Variants in FRMD4A observed in about 807,000 individuals in gnomAD.
The protein encoded by FRMD4A is FERM domain containing 4A.
FRMD4A carries 29 observed loss-of-function variants against 129.1 expected under a neutral mutation model. That is an observed-to-expected ratio of 0.22 (90% confidence interval 0.17 to 0.31). The LOEUF is 0.31. Ranked by LOEUF, FRMD4A falls within the 10% of genes least tolerant of loss-of-function variation. The pLI is 1.00. For missense variants in FRMD4A, 1,272 were observed against 1,375.8 expected (o/e 0.92, Z 1.19); for synonymous variants, 634 against 571.6 (o/e 1.11, Z -1.56).
chr10:14,097,917 T>A (rs1359652264), intron 2 of FRMD4A, among the ~76,000 whole-genome samples: 1 of 146,352 alleles, frequency 6.8e-6, no homozygotes, highest in Non-Finnish European at 1.5e-5. Context: ...AAATATAAAT[T>A]ATATATAAAA....
chr10:13,822,454 C>A (rs2093643708), intron 3 of FRMD4A, among the ~76,000 whole-genome samples: 1 of 152,188 alleles, frequency 6.6e-6, no homozygotes. Flanking sequence ...ATTTGATCGA[C>A]ATTTGTGGAC....
At chr10:13,713,946 AATACACACACATATATAAT>A (rs1564671821) in intron 12 of FRMD4A, among the ~76,000 whole-genome samples, 6 of 124,678 alleles carry the variant, frequency 4.8e-5, no homozygotes, top group African/African-American at 1.8e-4. Context: ...ACATATATGT[AATACACACACATATATAAT>A]ATATACATAT....
At chr10:14,055,758 C>A (rs1328610249) in intron 2 of FRMD4A, among the ~76,000 whole-genome samples, 1 of 152,216 alleles carries the variant, frequency 6.6e-6, no homozygotes, top group Non-Finnish European at 1.5e-5. Context: ...TTGATACAGG[C>A]ATGCAATGTG....
intron 13 of FRMD4A, among the ~76,000 whole-genome samples, chr10:13,704,264 G>A (rs927109222): frequency 6.6e-6 from 1 of 152,122 alleles, no homozygotes; most frequent in Admixed American, 6.5e-5. Context: ...TCCTTTCCTT[G>A]TGTGTCTTTA....
chr10:14,051,047 G>T (rs1035268097), intron 2 of FRMD4A, among the ~76,000 whole-genome samples: 1 of 152,202 alleles, frequency 6.6e-6, no homozygotes, highest in African/African-American at 2.4e-5. Flanking sequence ...TTACTTGGGG[G>T]ATCTGACACT....
chr10:13,720,197 C>T (rs373984032), intron 12 of FRMD4A, among the ~76,000 whole-genome samples: 3 of 152,230 alleles, frequency 2.0e-5, no homozygotes, highest in East Asian at 3.9e-4. Flanking sequence ...TACAGGTGCG[C>T]GCCAGCACGC....
chr10:14,252,902 T>C (rs1844487462), intron 2 of FRMD4A, among the ~76,000 whole-genome samples: 1 of 152,258 alleles, frequency 6.6e-6, no homozygotes, highest in African/African-American at 2.4e-5. Flanking sequence ...CTACTAACTA[T>C]AAGGAAAAGC....
chr10:13,855,223 A>C (rs2094196639), intron 3 of FRMD4A, among the ~76,000 whole-genome samples: 3 of 152,182 alleles, frequency 2.0e-5, no homozygotes, highest in African/African-American at 7.2e-5. Context: ...ACAGTGCTGC[A>C]TGAAATTATC....
intron 3 of FRMD4A, among the ~76,000 whole-genome samples, chr10:13,834,811 A>G (rs989212019): frequency 6.6e-6 from 1 of 152,214 alleles, no homozygotes; most frequent in Non-Finnish European, 1.5e-5. Flanking sequence ...AGCGAGAGAC[A>G]GAGGCACATG....
chr10:14,046,723 T>A (rs1834005342), intron 2 of FRMD4A, among the ~76,000 whole-genome samples: 1 of 152,190 alleles, frequency 6.6e-6, no homozygotes, highest in Non-Finnish European at 1.5e-5. Context: ...ACGGCTGTAA[T>A]GCTTTGATGG....
intron 2 of FRMD4A, among the ~76,000 whole-genome samples, chr10:14,224,504 G>A (rs1324255462): frequency 6.6e-6 from 1 of 152,200 alleles, no homozygotes; most frequent in East Asian, 1.9e-4. Context: ...CCAATTAAAA[G>A]GCCAGTTAAT....
At chr10:13,765,123 T>G (rs946533325) in intron 6 of FRMD4A, among the ~76,000 whole-genome samples, 5 of 148,896 alleles carry the variant, frequency 3.4e-5, no homozygotes, top group South Asian at 4.4e-4. Flanking sequence ...TGTTTTTTTT[T>G]TTTTTTTTGA....
chr10:13,861,739 T>C (rs1214955569), intron 2 of FRMD4A, among the ~76,000 whole-genome samples: 1 of 152,228 alleles, frequency 6.6e-6, no homozygotes, highest in African/African-American at 2.4e-5. Context: ...GCTCAAGTCC[T>C]ATTAGAATCC....
chr10:14,265,438 T>G (rs1844944831), intron 2 of FRMD4A, among the ~76,000 whole-genome samples: 1 of 152,234 alleles, frequency 6.6e-6, no homozygotes, highest in Admixed American at 6.5e-5. Context: ...GGCTGACACC[T>G]TTGTATTTAT....
intron 2 of FRMD4A, among the ~76,000 whole-genome samples, chr10:14,122,084 C>A (rs553655157): frequency 1.3e-5 from 2 of 152,312 alleles, no homozygotes; most frequent in Non-Finnish European, 2.9e-5. Flanking sequence ...TAGCTCATCC[C>A]CTAACAACGC....
intron 2 of FRMD4A, among the ~76,000 whole-genome samples, chr10:14,112,715 G>A (rs1837982411): frequency 2.0e-5 from 3 of 152,044 alleles, no homozygotes; most frequent in Non-Finnish European, 2.9e-5. Flanking sequence ...TGGTACGGAC[G>A]GGGTTTCATC....
At chr10:14,093,761 T>C (rs1008574287) in intron 2 of FRMD4A, among the ~76,000 whole-genome samples, 1 of 152,202 alleles carries the variant, frequency 6.6e-6, no homozygotes, top group Non-Finnish European at 1.5e-5. Flanking sequence ...GCAGTTTGTC[T>C]CTTATTAGTT....
chr10:13,797,968 G>A (rs992115336), intron 4 of FRMD4A, among the ~76,000 whole-genome samples: 5 of 151,796 alleles, frequency 3.3e-5, no homozygotes, highest in Admixed American at 1.3e-4. Context: ...GTGGCTATAC[G>A]GAAGACTTTT....
chr10:13,674,766 C>T lies in FRMD4A; in HGVS notation c.1251+145G>A. On this transcript the variant is annotated intron_variant, in intron 16 of 24. Coordinates refer to ENST00000357447, the MANE Select transcript of FRMD4A (RefSeq NM_018027.5). The stretch of plus-strand genomic sequence containing the variant: ...GAGAGCGCTCGCCGCCCAGATAGGC[C>T]CTCTTTTTATCACTACCCTTGCCTT... 5 of 873,804 alleles carry T rather than the reference C, an allele frequency of 5.7e-6. No homozygotes were observed. The Admixed American group carries it at 1.1e-4, about 19-fold the overall frequency. The allele number at this position is 873,804 out of a possible 1,614,324, so 54.1% of individuals were successfully genotyped here.
Sources: gnomAD v4.1 joint callset for allele counts (sites outside exome capture counted in the v4.1 genomes callset) on GRCh38, gnomAD v4.1.1 for gene constraint, MANE v1.5 for transcripts, NCBI Gene and HGNC (gene_info 2026-07-23, HGNC 2026-07-21) for gene names.